The following NBEA variants were observed in gnomAD, a reference collection of about 807,000 sequenced individuals.
NBEA encodes the protein neurobeachin, also known as lysosomal-trafficking regulator 2.
Under a neutral mutation model 343.4 loss-of-function variants are expected in NBEA, and 44 were observed. The observed-to-expected ratio is 0.13, with a 90% CI of 0.10 to 0.16. The LOEUF is 0.16. Among genes scored for constraint, NBEA ranks in the 10% least tolerant of loss-of-function variants. NBEA has a pLI of 1.00. For synonymous variants in NBEA, 1,175 were observed against 1,238.7 expected (o/e 0.95, Z 1.08); for missense variants, 2,555 against 3,631.3 (o/e 0.70, Z 7.62).
At chr13:35,527,272 C>T (rs929901923) in intron 41 of NBEA, among the ~76,000 whole-genome samples, 2 of 152,058 alleles carry the variant, frequency 1.3e-5, no homozygotes, top group African/African-American at 2.4e-5. Flanking sequence ...TCTGATCGGC[C>T]GAACGGTCAT....
At chr13:35,373,697 A>G (rs1406186424) in intron 38 of NBEA, among the ~76,000 whole-genome samples, 3 of 147,946 alleles carry the variant, frequency 2.0e-5, no homozygotes, top group African/African-American at 5.2e-5. Flanking sequence ...AGAGGGAGAC[A>G]CTGTCTCAAA....
chr13:35,002,838 A>G (rs923011017), intron 1 of NBEA, among the ~76,000 whole-genome samples: 16 of 152,252 alleles, frequency 1.1e-4, no homozygotes, highest in African/African-American at 3.9e-4. Flanking sequence ...TTTCCCCACA[A>G]AAAGTTGCCG....
chr13:34,980,109 T>C (rs1316069663), intron 1 of NBEA, among the ~76,000 whole-genome samples: 2 of 152,182 alleles, frequency 1.3e-5, no homozygotes, highest in African/African-American at 2.4e-5. Context: ...TGTAGTTTTA[T>C]GTAAATTTTG....
chr13:35,527,344 T>C (rs1328823008), intron 41 of NBEA, among the ~76,000 whole-genome samples: 1 of 152,166 alleles, frequency 6.6e-6, no homozygotes, highest in Middle Eastern at 3.2e-3. Context: ...GCCTCCCGGC[T>C]TCAGGCCATT....
chr13:35,442,452 GGAGA>G (rs975517694), intron 39 of NBEA, among the ~76,000 whole-genome samples: 2 of 152,034 alleles, frequency 1.3e-5, no homozygotes, highest in East Asian at 1.9e-4. Context: ...TCTAAAATGT[GGAGA>G]GAGTCTGCGT....
intron 34 of NBEA, among the ~76,000 whole-genome samples, chr13:35,239,467 A>C (rs1260876508): frequency 2.0e-5 from 3 of 152,148 alleles, no homozygotes; most frequent in South Asian, 4.1e-4. Context: ...GATATTACAA[A>C]ACTGTTATGT....
intron 34 of NBEA, among the ~76,000 whole-genome samples, chr13:35,274,142 G>A (rs934624877): frequency 6.6e-6 from 1 of 152,138 alleles, no homozygotes; most frequent in Non-Finnish European, 1.5e-5. Context: ...GAATCCAGCA[G>A]CATATCAAAA....
At chr13:35,305,169 C>T (rs749784616) in intron 35 of NBEA, among the ~76,000 whole-genome samples, 15 of 152,212 alleles carry the variant, frequency 9.9e-5, no homozygotes, top group South Asian at 2.1e-4. Context: ...ATTGCCTCTT[C>T]GCTCTTTATT....
rs142153144 is a variant in NBEA at position 35,257,358 on chromosome 13, T to A, written c.5776+24739T>A. ...TGCTAATTCTATTGGTATTTTGAAA[T>A]CTGTTTAAAATATTTTATATATGAT... On this transcript the variant is annotated intron_variant, in intron 34 of 58. Coordinates refer to ENST00000379939, the MANE Select transcript of NBEA (RefSeq NM_001385012.1). Among the ~76,000 whole-genome samples the A allele has an allele frequency of 8.7e-4, 132 of 152,324 alleles. 1 individual carries two copies. The East Asian group carries it at 0.015, about 17-fold the overall frequency.
chr13:35,470,353 T>A (rs1226747837), intron 40 of NBEA, among the ~76,000 whole-genome samples: 1 of 151,774 alleles, frequency 6.6e-6, no homozygotes, highest in Non-Finnish European at 1.5e-5. Context: ...AATCAATGGG[T>A]ATGGTTTTGA....
chr13:35,036,898 C>G (rs1256772404), intron 1 of NBEA, among the ~76,000 whole-genome samples: 2 of 152,078 alleles, frequency 1.3e-5, no homozygotes, highest in Non-Finnish European at 2.9e-5. Flanking sequence ...GTTAAATCTT[C>G]TTGGTGTTCT....
At chr13:35,543,390 C>T (rs1417356021) in intron 41 of NBEA, among the ~76,000 whole-genome samples, 1 of 152,124 alleles carries the variant, frequency 6.6e-6, no homozygotes. Context: ...CTACTCTTTC[C>T]AAGTTGTGTG....
chr13:35,649,986 T>A (rs2084438005), intron 52 of NBEA, 139 bp downstream of exon 52: 1 of 875,614 alleles, frequency 1.1e-6, no homozygotes, highest in Non-Finnish European at 1.7e-6. Context: ...AATTGTCAAA[T>A]CCAACTAAGG....
At chr13:35,021,188 C>T (rs2061826414) in intron 1 of NBEA, among the ~76,000 whole-genome samples, 1 of 151,932 alleles carries the variant, frequency 6.6e-6, no homozygotes, top group South Asian at 2.1e-4. Context: ...CTGCTGGCTG[C>T]CTGACTTTAT....
At chr13:35,079,504 GA>G (rs1291031868) in intron 10 of NBEA, among the ~76,000 whole-genome samples, 1 of 152,098 alleles carries the variant, frequency 6.6e-6, no homozygotes, top group African/African-American at 2.4e-5. Flanking sequence ...AAGCTTTAAA[GA>G]GAAACTGTTT....
chr13:35,509,559 G>T (rs1469557706), intron 41 of NBEA, among the ~76,000 whole-genome samples: 1 of 152,222 alleles, frequency 6.6e-6, no homozygotes, highest in East Asian at 1.9e-4. Flanking sequence ...CTAAGTTTTT[G>T]TATTTGGCCA....
At position 35,203,367 on chromosome 13, in the gene NBEA, C is replaced by T. The variant is rs1010530174; in HGVS notation, c.5367-5333C>T. 4.6e-5 allele frequency among the ~76,000 whole-genome samples: 7 copies of T among 152,246 alleles called. 1 individual carries two copies. Among genetic ancestry groups the T allele is most frequent in the African/African-American group, 1.4e-4 (6 of 41,572 alleles). ...GATAGCCTCCTGGCTTATTCTTTCA[C>T]CCCCTTCAGTGTTCTCTCAAATACT... On this transcript the variant is annotated intron_variant, in intron 31 of 58. Coordinates refer to ENST00000379939, the MANE Select transcript of NBEA (RefSeq NM_001385012.1).
intron 36 of NBEA, among the ~76,000 whole-genome samples, chr13:35,311,892 G>C (rs2037395874): frequency 6.6e-6 from 1 of 152,072 alleles, no homozygotes; most frequent in South Asian, 2.1e-4. Flanking sequence ...AATAATCTCT[G>C]AAATTCTGTC....
chr13:35,550,908 GT>G (rs749756706), intron 42 of NBEA, 21 bp from the exon 43 acceptor site: 11 of 1,482,388 alleles, frequency 7.4e-6, no homozygotes, highest in Admixed American at 3.6e-5. Flanking sequence ...TCTAAACTCT[GT>G]TTTTTTTCTT....
Sources: gnomAD v4.1 joint callset for allele counts (sites outside exome capture counted in the v4.1 genomes callset) on GRCh38, gnomAD v4.1.1 for gene constraint, MANE v1.5 for transcripts, NCBI Gene and HGNC (gene_info 2026-07-23, HGNC 2026-07-21) for gene names.